LUZP2: variants seen among roughly 807,000 people sequenced by gnomAD.
LUZP2 encodes the protein leucine zipper protein 2.
In LUZP2, 52 loss-of-function variants were observed where a neutral mutation model predicts 51.6. The observed-to-expected ratio is 1.01, with a 90% CI of 0.81 to 1.27. LUZP2 has a LOEUF of 1.27. LUZP2 is among the 50% of genes most tolerant of loss of function. The probability of loss-of-function intolerance (pLI) is 0.00; values close to 1 mark genes in which losing one functional copy is unlikely to be tolerated. For synonymous variants in LUZP2, 154 were observed against 137.3 expected, an observed-to-expected ratio of 1.12 and a Z score of -0.85; for missense variants, 436 against 395.4, an observed-to-expected ratio of 1.10 and a Z score of -0.87.
intron 1 of LUZP2, among the ~76,000 whole-genome samples, chr11:24,562,536 G>A (rs1426015321): frequency 2.0e-5 from 3 of 151,820 alleles, no homozygotes; most frequent in Non-Finnish European, 4.4e-5. Context: ...ATCAGGGTAA[G>A]GACCCATTAA....
At chr11:24,732,042 T>C in intron 2 of LUZP2, 76 bp from the exon 3 acceptor site, 1 of 1,076,302 alleles carries the variant, frequency 9.3e-7, no homozygotes, top group Non-Finnish European at 1.4e-6. Context: ...TCCTATCTAG[T>C]ACTCTAGAAC....
intron 7 of LUZP2, among the ~76,000 whole-genome samples, chr11:24,966,738 T>C (rs1855594150): frequency 6.8e-6 from 1 of 147,876 alleles, no homozygotes; most frequent in African/African-American, 2.4e-5. Context: ...GTGCAAAATA[T>C]ATATTTTACA....
At chr11:24,533,623 T>G (rs1207104906) in intron 1 of LUZP2, among the ~76,000 whole-genome samples, 1 of 151,276 alleles carries the variant, frequency 6.6e-6, no homozygotes, top group Non-Finnish European at 1.5e-5. Context: ...CCTTGCTACT[T>G]CTGTTATATA....
chr11:24,677,660 T>C (rs1453764106), intron 1 of LUZP2, among the ~76,000 whole-genome samples: 2 of 152,242 alleles, frequency 1.3e-5, no homozygotes, highest in Non-Finnish European at 2.9e-5. Context: ...AAATTATTTA[T>C]CACAATTTGT....
intron 5 of LUZP2, among the ~76,000 whole-genome samples, chr11:24,764,655 C>T (rs1860116494): frequency 6.6e-6 from 1 of 151,720 alleles, no homozygotes. Flanking sequence ...CAGAGCAAGA[C>T]CCTGTCTCTA....
In LUZP2 at chr11:24,592,056, G is replaced by C. The variant is rs12280389; in HGVS notation, c.62+94751G>C. ...AAAGGAACTGTGCAGTGAGGGTGTT[G>C]GTAGGAAATGGAAAAACCCACCAGG... On this transcript the variant is annotated intron_variant, in intron 1 of 11. Transcript: ENST00000336930. Among the ~76,000 whole-genome samples the C allele has an allele frequency of 2.3e-3, 343 of 152,244 alleles. 2 individuals are homozygous for C. Among genetic ancestry groups the C allele is most frequent in the African/African-American group, 7.8e-3 (326 of 41,552 alleles).
intron 9 of LUZP2, among the ~76,000 whole-genome samples, chr11:24,999,218 CT>C: frequency 6.6e-6 from 1 of 152,132 alleles, no homozygotes; most frequent in South Asian, 2.1e-4. Context: ...ACATTTAGTT[CT>C]TTATTGACCT....
intron 10 of LUZP2, among the ~76,000 whole-genome samples, chr11:25,063,899 T>C (rs1858923250): frequency 6.6e-6 from 1 of 151,806 alleles, no homozygotes; most frequent in Non-Finnish European, 1.5e-5. Flanking sequence ...ACATGAAGAA[T>C]AGGACAGTCA....
intron 10 of LUZP2, among the ~76,000 whole-genome samples, chr11:25,058,691 C>T (rs1590885102): frequency 6.6e-6 from 1 of 152,206 alleles, no homozygotes; most frequent in South Asian, 2.1e-4. Context: ...GGGAAGGTGA[C>T]TTGCCCAGAG....
In LUZP2 at chr11:24,617,551, TG is replaced by T. The variant is rs1171912668; in HGVS notation, c.63-111616del. Among the ~76,000 whole-genome samples the T allele has an allele frequency of 3.3e-5, 5 of 152,360 alleles. No individual in the cohort carries two copies. The East Asian group carries it at 9.7e-4, about 29-fold the overall frequency. On this transcript the variant is annotated intron_variant, in intron 1 of 11. Transcript: ENST00000336930. ...ACTTGGATAGTTGGGCCGGGGGCCGTGGCTCACGCCTGTAATCCTAGCACTT... is the reference window on the plus strand; with the variant it reads ...ACTTGGATAGTTGGGCCGGGGGCCGTGCTCACGCCTGTAATCCTAGCACTT...
intron 1 of LUZP2, among the ~76,000 whole-genome samples, chr11:24,684,586 A>G (rs1299715095): frequency 6.6e-6 from 1 of 152,218 alleles, no homozygotes; most frequent in African/African-American, 2.4e-5. Context: ...CTGAAGCCAT[A>G]GGAACCAAAG....
chr11:24,795,488 T>A (rs1379666280), intron 5 of LUZP2, among the ~76,000 whole-genome samples: 1 of 152,108 alleles, frequency 6.6e-6, no homozygotes, highest in East Asian at 1.9e-4. Flanking sequence ...TTTCAAGAGT[T>A]TTATTACATA....
chr11:24,800,118 C>G (rs957854108), intron 5 of LUZP2, among the ~76,000 whole-genome samples: 2 of 152,124 alleles, frequency 1.3e-5, no homozygotes, highest in Non-Finnish European at 1.5e-5. Context: ...CACCCGCCCC[C>G]ACCCTTGTTT....
intron 4 of LUZP2, among the ~76,000 whole-genome samples, chr11:24,752,121 C>A (rs1257060773): frequency 6.6e-6 from 1 of 151,894 alleles, no homozygotes; most frequent in Non-Finnish European, 1.5e-5. Context: ...AGTAAAATTG[C>A]CAAGTATCTG....
rs192127013 is a variant in LUZP2, at chr11:24,525,564, G to T, written c.62+28259G>T. Among the ~76,000 whole-genome samples the T allele has an allele frequency of 3.5e-3, 531 of 151,564 alleles. 5 individuals are homozygous for T. The highest frequency in any genetic ancestry group is 0.012 in the African/African-American group (518 of 41,482). On this transcript the variant is annotated intron_variant, in intron 1 of 11. Coordinates refer to ENST00000336930, the MANE Select transcript of LUZP2 (RefSeq NM_001009909.4). Reference sequence around the variant, plus strand: ...AGGATCAGATTAAAGTTCCTTTAATGTGATGCAGAGAAATTGGAATTTAGG... The same window carrying T: ...AGGATCAGATTAAAGTTCCTTTAATTTGATGCAGAGAAATTGGAATTTAGG...
intron 5 of LUZP2, among the ~76,000 whole-genome samples, chr11:24,848,140 TTGATA>T (rs11269785): frequency 5.0e-4 from 76 of 151,516 alleles, no homozygotes; most frequent in Non-Finnish European, 6.5e-4. Context: ...TAATATATGA[TTGATA>T]TGATATGATA....
chr11:24,862,617 C>T (rs570119749), intron 5 of LUZP2, among the ~76,000 whole-genome samples: 130 of 152,258 alleles, frequency 8.5e-4, no homozygotes, highest in Non-Finnish European at 1.2e-3. Context: ...CAAGATCCAT[C>T]GGTGTGCTGT....
chr11:24,774,506 A>T (rs1848856436), intron 5 of LUZP2, among the ~76,000 whole-genome samples: 2 of 112,856 alleles, frequency 1.8e-5, no homozygotes, highest in Admixed American at 9.9e-5. Flanking sequence ...TATATATAGA[A>T]TATATTCTAT....
At chr11:24,820,824 A>C (rs1564938705) in intron 5 of LUZP2, among the ~76,000 whole-genome samples, 1 of 152,272 alleles carries the variant, frequency 6.6e-6, no homozygotes, top group East Asian at 1.9e-4. Context: ...TGTAAGAAGA[A>C]GACTTGGAAG....
Sources: gnomAD v4.1 joint callset for allele counts (sites outside exome capture counted in the v4.1 genomes callset) on GRCh38, gnomAD v4.1.1 for gene constraint, MANE v1.5 for transcripts, NCBI Gene and HGNC (gene_info 2026-07-23, HGNC 2026-07-21) for gene names.